The following CATSPERE variants were observed in gnomAD, a reference collection of about 807,000 sequenced individuals.
CATSPERE encodes catsper channel auxiliary subunit epsilon.
A neutral mutation model predicts 114.1 loss-of-function variants in CATSPERE; 93 were observed. The ratio of observed to expected loss-of-function variants is 0.81; its 90% CI spans 0.69 to 0.97. The LOEUF is 0.97. CATSPERE is among the 50% of genes least tolerant of loss of function. The pLI, the probability that CATSPERE is intolerant of heterozygous loss-of-function variation, is 0.00. For missense variants in CATSPERE, 1,058 were observed against 1,131.6 expected, an observed-to-expected ratio of 0.93 and a Z score of 0.93; for synonymous variants, 341 against 384.1, an observed-to-expected ratio of 0.89 and a Z score of 1.31.
chr1:244,457,985 G>A (rs1666311343), upstream of CATSPERE, among the ~76,000 whole-genome samples: 1 of 152,146 alleles, frequency 6.6e-6, no homozygotes, highest in South Asian at 2.1e-4. Flanking sequence ...TTAAATGACT[G>A]TGTGCCACAG....
intron 8 of CATSPERE, among the ~76,000 whole-genome samples, chr1:244,539,407 T>G (rs1386074896): frequency 2.3e-5 from 3 of 133,124 alleles, no homozygotes; most frequent in African/African-American, 8.1e-5. Flanking sequence ...GCATCAATGT[T>G]CATCAAGGAT....
intron 7 of CATSPERE, among the ~76,000 whole-genome samples, chr1:244,510,771 T>C (rs1056563266): frequency 1.3e-5 from 2 of 151,706 alleles, no homozygotes; most frequent in African/African-American, 4.8e-5. Context: ...TTATATTTGC[T>C]TTATATATCT....
chr1:244,553,316 C>G (rs1377650493), intron 9 of CATSPERE, among the ~76,000 whole-genome samples: 1 of 151,988 alleles, frequency 6.6e-6, no homozygotes, highest in Non-Finnish European at 1.5e-5. Flanking sequence ...AATCACAGCA[C>G]TTTGGGAGGC....
intron 19 of CATSPERE, among the ~76,000 whole-genome samples, chr1:244,610,785 C>G (rs1205816192): frequency 6.9e-6 from 1 of 145,958 alleles, no homozygotes; most frequent in Admixed American, 6.9e-5. Flanking sequence ...CAGAGTCTCT[C>G]TCTGTTGCCT....
intron 17 of CATSPERE, among the ~76,000 whole-genome samples, chr1:244,602,458 CAATA>C (rs1039330337): frequency 6.6e-6 from 1 of 152,128 alleles, no homozygotes; most frequent in Non-Finnish European, 1.5e-5. Context: ...CTCTGGATTA[CAATA>C]AATGCCTTAA....
At chr1:244,482,524 C>T (rs1670423281) in intron 5 of CATSPERE, among the ~76,000 whole-genome samples, 1 of 152,064 alleles carries the variant, frequency 6.6e-6, no homozygotes, top group Non-Finnish European at 1.5e-5. Context: ...TTCGCTTGAG[C>T]CCAGGAGTTT....
In CATSPERE at chr1:244,626,035, G is replaced by C. The variant is rs1673154518; in HGVS notation, c.2648+8349G>C. On this transcript the variant is annotated intron_variant, in intron 20 of 21. Coordinates refer to ENST00000366534, the MANE Select transcript of CATSPERE (RefSeq NM_001130957.2). The stretch of plus-strand genomic sequence containing the variant: ...CCACTTATAGAGCACAGGCAGAGTA[G>C]ACTTACCATAATTCTGAAGGGCCCT... Among the ~76,000 whole-genome samples, 4 of 152,126 alleles carry C rather than the reference G, an allele frequency of 2.6e-5. No individual in the cohort carries two copies. In the South Asian group the frequency reaches 6.2e-4, roughly 24 times the overall value.
At chr1:244,585,120 A>C (rs545280522) in intron 13 of CATSPERE, among the ~76,000 whole-genome samples, 4 of 152,246 alleles carry the variant, frequency 2.6e-5, no homozygotes, top group African/African-American at 9.6e-5. Flanking sequence ...AGGCATTACA[A>C]AATCAGGTTC....
intron 19 of CATSPERE, among the ~76,000 whole-genome samples, chr1:244,613,006 A>G (rs1435967627): frequency 6.6e-6 from 1 of 152,244 alleles, no homozygotes; most frequent in Non-Finnish European, 1.5e-5. Context: ...AGCAGGTATC[A>G]TCATTCACAT....
chr1:244,555,703 A>G (rs1049835139), intron 9 of CATSPERE, among the ~76,000 whole-genome samples: 6 of 152,198 alleles, frequency 3.9e-5, no homozygotes, highest in African/African-American at 1.4e-4. Flanking sequence ...TCCACAAAAA[A>G]TTTCTTGGAA....
chr1:244,550,281 T>C (rs564658387), intron 8 of CATSPERE, among the ~76,000 whole-genome samples: 19 of 152,324 alleles, frequency 1.2e-4, no homozygotes, highest in African/African-American at 4.3e-4. Flanking sequence ...CTATATATCC[T>C]AGTCTATTCT....
chr1:244,570,650 G>T (rs1421587747), intron 10 of CATSPERE, among the ~76,000 whole-genome samples: 1 of 152,174 alleles, frequency 6.6e-6, no homozygotes, highest in Non-Finnish European at 1.5e-5. Context: ...AAGCAAGGAT[G>T]ATTTATAAGG....
chr1:244,629,183 T>G lies in CATSPERE; in HGVS notation c.2649-6306T>G, dbSNP rs142731817. 1.4e-4 allele frequency among the ~76,000 whole-genome samples: 22 copies of G among 152,286 alleles called. 1 individual carries two copies. The highest frequency in any genetic ancestry group is 5.3e-4 in the African/African-American group (22 of 41,548). On this transcript the variant is annotated intron_variant, in intron 20 of 21. Transcript: ENST00000366534. ...TCAGAACTTCCGCAGTCACACAGCT[T>G]CCTCCTCTGCCACAGACATATCAAG...
Position 244,518,607 on chromosome 1 carries a change from A to G in CATSPERE, c.445A>G (p.Ser149Gly), listed in dbSNP as rs1292155432. 8 of 1,584,788 alleles carry G rather than the reference A, an allele frequency of 5.0e-6. No homozygotes were observed. In the African/African-American group the frequency reaches 1.1e-4, roughly 21 times the overall value. The change falls in exon 8 of 22, where the codon AGC becomes GGC. Residue 149 changes from serine (S) to glycine (G), a missense_variant. Transcript: ENST00000366534. ...EEPSINSIVL[S>G]TQMATLGQKP... ...GTTTTTACAGAATTCCATAGTACTC[A>G]GCACACAGATGGCCACATTGGGACA...
At chr1:244,476,589 A>C (rs1464264679) in intron 2 of CATSPERE, among the ~76,000 whole-genome samples, 2 of 152,180 alleles carry the variant, frequency 1.3e-5, no homozygotes, top group African/African-American at 4.8e-5. Context: ...CACCAGTTAT[A>C]ATCTCCATTT....
At chr1:244,451,281 C>T (rs1160405988), upstream of CATSPERE, among the ~76,000 whole-genome samples, 3 of 152,160 alleles carry the variant, frequency 2.0e-5, no homozygotes, top group Non-Finnish European at 4.4e-5. The surrounding 1 kb of genome is among the most constrained non-coding windows in gnomAD (Gnocchi z 6.6). Context: ...GGCGGTAGCT[C>T]CTCAAACTCG....
At chr1:244,490,390 T>G (rs1671841430) in intron 5 of CATSPERE, 57 bp from the exon 6 acceptor site, 1 of 1,169,938 alleles carries the variant, frequency 8.5e-7, no homozygotes, top group Non-Finnish European at 1.3e-6. Flanking sequence ...AGTAGAATAT[T>G]CGACCTAATG....
intron 2 of CATSPERE, among the ~76,000 whole-genome samples, chr1:244,472,263 C>T (rs138808741): frequency 3.3e-5 from 5 of 152,280 alleles, no homozygotes; most frequent in African/African-American, 4.8e-5. Flanking sequence ...ACCTGGCCCA[C>T]GACTGTTGTT....
intron 5 of CATSPERE, among the ~76,000 whole-genome samples, chr1:244,490,177 T>G (rs1453910888): frequency 6.6e-6 from 1 of 152,120 alleles, no homozygotes; most frequent in Non-Finnish European, 1.5e-5. Context: ...AATCTTAGCG[T>G]GAGCGGTTTT....
Sources: gnomAD v4.1 joint callset for allele counts (sites outside exome capture counted in the v4.1 genomes callset) on GRCh38, gnomAD v4.1.1 for gene constraint, Gnocchi (gnomAD v3.1) non-coding constraint, MANE v1.5 for transcripts, NCBI Gene and HGNC (gene_info 2026-07-23, HGNC 2026-07-21) for gene names.